The following TOGARAM1 variants were observed in gnomAD, a reference collection of about 807,000 sequenced individuals.
TOGARAM1 encodes the protein TOG array regulator of axonemal microtubules protein 1.
A neutral mutation model predicts 166.6 loss-of-function variants in TOGARAM1; 100 were observed. That is an observed-to-expected ratio of 0.60 (90% CI 0.51 to 0.71). TOGARAM1 has a LOEUF of 0.71. TOGARAM1 is among the 30% of genes least tolerant of loss of function. The pLI is 0.00. For synonymous variants in TOGARAM1, 758 were observed against 763.8 expected, an observed-to-expected ratio of 0.99 and a Z score of 0.13; for missense variants, 2,029 against 2,102.7, an observed-to-expected ratio of 0.96 and a Z score of 0.69.
intron 3 of TOGARAM1, among the ~76,000 whole-genome samples, 197 bp from the exon 4 acceptor site, chr14:45,003,864 G>A (rs1417187249): frequency 2.3e-5 from 3 of 131,672 alleles, no homozygotes; most frequent in African/African-American, 9.1e-5. Flanking sequence ...ATATTTTAAT[G>A]GGATAAAGAA....
In TOGARAM1 at chr14:44,963,318, G is replaced by A; in HGVS notation, c.897G>A (p.Leu299=). The change falls in exon 1 of 20, where the codon CTG becomes CTA. Residue 299 remains leucine, a synonymous_variant. Transcript: ENST00000361462. ...QDRFQSYISR[L]PSALRRHYNR... ...GGTTTCAATCTTACATTTCTCGTCT[G>A]CCCTCTGCCCTGAGGAGACACTACA... 6.2e-7 allele frequency: 1 copy of A among 1,614,176 alleles called. No homozygotes were observed. The highest frequency in any genetic ancestry group is 8.5e-7 in the Non-Finnish European group (1 of 1,180,020).
chr14:44,992,611 C>CTTTTTTTT (rs376434047), intron 1 of TOGARAM1, among the ~76,000 whole-genome samples: 2 of 91,306 alleles, frequency 2.2e-5, no homozygotes, highest in African/African-American at 4.9e-5. Context: ...TTTTTGTAAT[C>CTTTTTTTT]TTTTTTTTTT....
chr14:44,963,653 T>G lies in TOGARAM1; in HGVS notation c.1232T>G (p.Val411Gly), dbSNP rs184300474. The G allele has an allele frequency of 1.9e-6, 3 of 1,613,422 alleles. No homozygotes were observed. Among genetic ancestry groups the G allele is most frequent in the Non-Finnish European group, 2.5e-6 (3 of 1,180,022 alleles). Residue 411 changes from valine to glycine, a missense_variant, in exon 1 of 20, where the codon GTG (valine) becomes GGG (glycine). Transcript: ENST00000361462. ...TTAGACGATTCTAACTTCAAAGTGG[T>G]GCATGGCACACTTGAAGTCCTGCAT... ...NLLDDSNFKV[V>G]HGTLEVLHLL...
At position 44,999,510 on chromosome 14, in the gene TOGARAM1, A is replaced by C. The variant is rs1887597629; in HGVS notation, c.2338+13A>C. The C allele has an allele frequency of 6.4e-7, 1 of 1,569,540 alleles. No homozygotes were observed. Among genetic ancestry groups the C allele is most frequent in the Non-Finnish European group, 8.7e-7 (1 of 1,154,678 alleles). ...CATCAAGAAAAAGGTATAAGTTCCA[A>C]ATTTACTTGGAAACAAATGACTTAT... On this transcript the variant is annotated intron_variant, in intron 3 of 19. Coordinates refer to ENST00000361462, the MANE Select transcript of TOGARAM1 (RefSeq NM_001308120.2).
intron 8 of TOGARAM1, among the ~76,000 whole-genome samples, chr14:45,026,133 G>A (rs1475977600): frequency 6.6e-6 from 1 of 152,066 alleles, no homozygotes; most frequent in Non-Finnish European, 1.5e-5. Context: ...GTACTTCTAA[G>A]ACTATTTTAG....
intron 3 of TOGARAM1, among the ~76,000 whole-genome samples, chr14:45,002,758 A>C (rs1442738713): frequency 1.3e-5 from 2 of 152,198 alleles, no homozygotes; most frequent in Non-Finnish European, 2.9e-5. Context: ...TGGGTGGATC[A>C]TGAGGTCAAG....
intron 1 of TOGARAM1, among the ~76,000 whole-genome samples, chr14:44,985,504 C>T (rs1256129869): frequency 6.6e-6 from 1 of 152,172 alleles, no homozygotes; most frequent in Non-Finnish European, 1.5e-5. Flanking sequence ...AATCATCAGA[C>T]GTTAGATTCT....
At chr14:44,971,834 T>G (rs1885900672) in intron 1 of TOGARAM1, among the ~76,000 whole-genome samples, 1 of 152,214 alleles carries the variant, frequency 6.6e-6, no homozygotes, top group South Asian at 2.1e-4. Flanking sequence ...ACAAGTATGT[T>G]GGGGTTTTCC....
rs1470079559 is a variant in TOGARAM1 at position 45,066,741 on chromosome 14, G to T, written c.4723G>T (p.Asp1575Tyr). Residue 1575 changes from aspartate (D) to tyrosine (Y), a missense_variant, in exon 17 of 20, where the codon GAC becomes TAC. Asp to Tyr is a radical substitution (Grantham distance 160). Coordinates refer to ENST00000361462, the MANE Select transcript of TOGARAM1 (RefSeq NM_001308120.2). ...TTTATCAGATACAGAAAATAATCAA[G>T]ACCTTGTTGTTGGAAACATTGTGAA... is the stretch of plus-strand genomic sequence containing the variant. Reference protein sequence around the residue: ...QLLSDTENNQDLVVGNIVKIF... With the variant: ...QLLSDTENNQYLVVGNIVKIF... 1.2e-6 allele frequency: 2 copies of T among 1,612,788 alleles called. No individual in the cohort carries two copies. Among genetic ancestry groups the T allele is most frequent in the Non-Finnish European group, 1.7e-6 (2 of 1,179,154 alleles).
chr14:45,051,816 T>C (rs2138971931), intron 14 of TOGARAM1, among the ~76,000 whole-genome samples: 1 of 152,238 alleles, frequency 6.6e-6, no homozygotes, highest in African/African-American at 2.4e-5. Context: ...TGCCTTGGCC[T>C]CCCAAAGTGC....
At chr14:45,016,088 G>A (rs549800504) in intron 7 of TOGARAM1, among the ~76,000 whole-genome samples, 2 of 151,834 alleles carry the variant, frequency 1.3e-5, no homozygotes, top group South Asian at 2.1e-4. Context: ...AAAGTTAAAG[G>A]TGTCAATTTA....
At chr14:45,029,719 T>C (rs1483081323) in intron 10 of TOGARAM1, among the ~76,000 whole-genome samples, 2 of 152,198 alleles carry the variant, frequency 1.3e-5, no homozygotes, top group African/African-American at 4.8e-5. Flanking sequence ...ATACAGACAA[T>C]ATTTAGCTTC....
chr14:45,021,341 C>T (rs1316381737), intron 7 of TOGARAM1, among the ~76,000 whole-genome samples: 1 of 152,056 alleles, frequency 6.6e-6, no homozygotes, highest in Non-Finnish European at 1.5e-5. Flanking sequence ...TAGATAAACT[C>T]CTATATGATG....
chr14:45,015,312 AAAT>A (rs1399390381), intron 7 of TOGARAM1, among the ~76,000 whole-genome samples: 4 of 101,932 alleles, frequency 3.9e-5, no homozygotes, highest in African/African-American at 7.5e-5. Flanking sequence ...CTCAAAAAAT[AAAT>A]AAATAAATAA....
At chr14:45,066,890 C>A in intron 17 of TOGARAM1, 123 bp downstream of exon 17, 1 of 636,746 alleles carries the variant, frequency 1.6e-6, no homozygotes, top group Non-Finnish European at 2.6e-6. Flanking sequence ...CAAGCCCAAC[C>A]TGGGCAACAT....
chr14:45,068,565 G>A lies in TOGARAM1; in HGVS notation c.4891G>A (p.Asp1631Asn). ...CAACATGCTAATTCCAGCAATAGTG[G>A]ATAACAATCTGAATTCCAAGAATCC... ...IINMLIPAIV[D>N]NNLNSKNPGI... is the part of the protein sequence containing the mutation. Residue 1631 changes from aspartate (D) to asparagine (N), a missense_variant, in exon 18 of 20, where the codon GAT becomes AAT. Physicochemically the swap from Asp to Asn is conservative, Grantham distance 23. This residue lies in a region of TOGARAM1 where 576 missense variants were observed against 670.5 expected (regional missense o/e 0.86). Transcript: ENST00000361462. 1 of 1,613,322 alleles carries A rather than the reference G, an allele frequency of 6.2e-7. No homozygotes were observed. Among genetic ancestry groups the A allele is most frequent in the Non-Finnish European group, 8.5e-7 (1 of 1,179,650 alleles).
intron 16 of TOGARAM1, among the ~76,000 whole-genome samples, chr14:45,058,188 A>G (rs1882731894): frequency 6.6e-6 from 1 of 151,714 alleles, no homozygotes; most frequent in African/African-American, 2.4e-5. Context: ...CCTTATCATT[A>G]TCATCCCTTC....
chr14:45,026,107 G>C (rs1250587603), intron 8 of TOGARAM1, among the ~76,000 whole-genome samples: 1 of 152,054 alleles, frequency 6.6e-6, no homozygotes, highest in Non-Finnish European at 1.5e-5. Context: ...TGTATTATGT[G>C]ACAGCTGCAG....
intron 1 of TOGARAM1, among the ~76,000 whole-genome samples, chr14:44,984,918 A>G (rs1323378296): frequency 6.6e-6 from 1 of 152,200 alleles, no homozygotes; most frequent in Non-Finnish European, 1.5e-5. Flanking sequence ...TACCTAGGAA[A>G]ATGTCAGCTT....
Sources: gnomAD v4.1 joint callset for allele counts (sites outside exome capture counted in the v4.1 genomes callset) on GRCh38, gnomAD v4.1.1 for gene constraint, gnomAD v4.1.1 regional missense constraint, MANE v1.5 for transcripts, NCBI Gene and HGNC (gene_info 2026-07-23, HGNC 2026-07-21) for gene names.